RGS9: variants seen among roughly 807,000 people sequenced by gnomAD.
The protein encoded by RGS9 is regulator of G protein signaling 9, also known as regulator of G-protein signalling 9.
In RGS9, 78 loss-of-function variants were observed where a neutral mutation model predicts 102.0. The ratio of observed to expected loss-of-function variants is 0.76; its 90% CI spans 0.64 to 0.92. The LOEUF (loss-of-function observed/expected upper bound fraction) is 0.92, where lower values mean the gene tolerates loss of function less well. RGS9 is among the 40% of genes least tolerant of loss of function. The pLI, the probability that RGS9 is intolerant of heterozygous loss-of-function variation, is 0.00. For missense variants in RGS9, 833 were observed against 866.1 expected (o/e 0.96, Z 0.48); for synonymous variants, 353 against 318.6 (o/e 1.11, Z -1.15).
chr17:65,191,585 A>T (rs1307368404), intron 11 of RGS9, among the ~76,000 whole-genome samples: 1 of 151,994 alleles, frequency 6.6e-6, no homozygotes, highest in Non-Finnish European at 1.5e-5. Flanking sequence ...CGTCTCTACT[A>T]AAAATACAAA....
At chr17:65,176,323 T>G (rs1203845425) in intron 8 of RGS9, among the ~76,000 whole-genome samples, 1 of 152,252 alleles carries the variant, frequency 6.6e-6, no homozygotes, top group African/African-American at 2.4e-5. Context: ...AACCCCTTGC[T>G]CAGCAATAGC....
At chr17:65,162,945 T>A in intron 6 of RGS9, 68 bp from the exon 7 acceptor site, 2 of 857,248 alleles carry the variant, frequency 2.3e-6, no homozygotes, top group South Asian at 2.8e-5. Flanking sequence ...TGACTTAGAG[T>A]TTGTTGCCCT....
At chr17:65,225,548 T>C (rs1323133858) in intron 18 of RGS9, 62 bp downstream of exon 18, 19 of 1,597,590 alleles carry the variant, frequency 1.2e-5, no homozygotes, top group Non-Finnish European at 1.5e-5. Flanking sequence ...GGCCTCTGCA[T>C]GTGAATATGC....
intron 17 of RGS9, among the ~76,000 whole-genome samples, chr17:65,222,828 T>A (rs2144130441): frequency 6.6e-6 from 1 of 152,274 alleles, no homozygotes; most frequent in East Asian, 1.9e-4. Flanking sequence ...CGCACCCCCC[T>A]GATATTCTCC....
In RGS9 at chr17:65,204,309, G is replaced by C; in HGVS notation, c.1203+8G>C. 6.2e-7 allele frequency: 1 copy of C among 1,613,600 alleles called. No homozygotes were observed. The highest frequency in any genetic ancestry group is 8.5e-7 in the Non-Finnish European group (1 of 1,179,920). ...TACATGCTCATGAAGAAGGTAGGTG[G>C]GTCCGTGCTGTGGATACGGGGTCCA... On this transcript the variant is annotated splice_region_variant and intron_variant, in intron 15 of 18. Coordinates refer to ENST00000262406, the MANE Select transcript of RGS9 (RefSeq NM_003835.4).
rs150469047 is a variant in RGS9 at position 65,154,110 on chromosome 17, C to T, written c.154+592C>T. Among the ~76,000 whole-genome samples the T allele has an allele frequency of 9.2e-4, 140 of 152,162 alleles. 1 individual carries two copies. The East Asian group carries it at 0.019, about 20-fold the overall frequency. ...TCACCTGAGGTCGGGAGTTCGAGACCGGCCTGACCAACATGGTGAAACCCC... is the reference window on the plus strand; with the variant it reads ...TCACCTGAGGTCGGGAGTTCGAGACTGGCCTGACCAACATGGTGAAACCCC... On this transcript the variant is annotated intron_variant, in intron 2 of 18. Transcript: ENST00000262406.
chr17:65,223,752 C>CT (rs528795738), intron 17 of RGS9, among the ~76,000 whole-genome samples: 7,154 of 137,526 alleles, frequency 0.052, 317 homozygotes, highest in African/African-American at 0.11. Context: ...TCATGCCAGG[C>CT]TTTTTTTTTT....
chr17:65,210,475 T>C lies in RGS9; in HGVS notation c.1290-13T>C, dbSNP rs1232024148. ...TCATTTTCCTCCAACCACCAATCTG[T>C]CCTTCCTTCCAGCTCCACCCTCCCT... On this transcript the variant is annotated splice_polypyrimidine_tract_variant and intron_variant, in intron 16 of 18. Coordinates refer to ENST00000262406, the MANE Select transcript of RGS9 (RefSeq NM_003835.4). 6.2e-7 allele frequency: 1 copy of C among 1,612,724 alleles called. No homozygotes were observed. Among genetic ancestry groups the C allele is most frequent in the Non-Finnish European group, 8.5e-7 (1 of 1,179,888 alleles).
At chr17:65,193,972 G>T (rs755888302) in intron 12 of RGS9, among the ~76,000 whole-genome samples, 1 of 152,112 alleles carries the variant, frequency 6.6e-6, no homozygotes, top group Non-Finnish European at 1.5e-5. Context: ...AGTAGAAGAG[G>T]AACTGATTTT....
intron 2 of RGS9, 140 bp downstream of exon 2, chr17:65,153,658 G>A (rs1204470849): frequency 2.0e-5 from 14 of 696,254 alleles, no homozygotes; most frequent in South Asian, 4.4e-5. Flanking sequence ...TTGGGAGGCC[G>A]AGGCGGGTGG....
chr17:65,193,992 T>G (rs1439417740), intron 12 of RGS9, among the ~76,000 whole-genome samples: 1 of 152,062 alleles, frequency 6.6e-6, no homozygotes, highest in Admixed American at 6.5e-5. Context: ...TGTCAAATAC[T>G]TGCCAATCCC....
chr17:65,176,589 T>G (rs1911632226), intron 8 of RGS9, among the ~76,000 whole-genome samples: 1 of 152,190 alleles, frequency 6.6e-6, no homozygotes. Flanking sequence ...CCACAGAGTG[T>G]GGGGAAGGAG....
chr17:65,207,811 T>C, intron 15 of RGS9, 111 bp from the exon 16 acceptor site: 1 of 742,240 alleles, frequency 1.3e-6, no homozygotes, highest in Non-Finnish European at 2.3e-6. Flanking sequence ...AGACAAATTC[T>C]CATAACTTTT....
At chr17:65,193,464 C>CAA in intron 11 of RGS9, 79 bp from the exon 12 acceptor site, 1 of 867,584 alleles carries the variant, frequency 1.2e-6, no homozygotes, top group Non-Finnish European at 2.0e-6. Context: ...AAGAGGACAG[C>CAA]CTGGTCAGTT....
chr17:65,180,803 C>T (rs1239254785), intron 9 of RGS9, among the ~76,000 whole-genome samples: 1 of 152,168 alleles, frequency 6.6e-6, no homozygotes, highest in Non-Finnish European at 1.5e-5. Context: ...CTCCTCCCAC[C>T]CTCCACCCTC....
chr17:65,178,964 C>T (rs1011987878), intron 9 of RGS9, among the ~76,000 whole-genome samples: 1 of 152,196 alleles, frequency 6.6e-6, no homozygotes, highest in African/African-American at 2.4e-5. Context: ...GCCCATTGTA[C>T]CCTGGGAAGG....
intron 1 of RGS9, among the ~76,000 whole-genome samples, chr17:65,139,488 G>A (rs904325118): frequency 2.0e-5 from 3 of 152,002 alleles, no homozygotes; most frequent in African/African-American, 7.2e-5. Context: ...TGCCCTCTGG[G>A]AAACAACAAA....
At chr17:65,225,669 C>T (rs2144136717) in intron 18 of RGS9, 183 bp downstream of exon 18, 1 of 752,184 alleles carries the variant, frequency 1.3e-6, no homozygotes, top group Non-Finnish European at 2.2e-6. Context: ...CTCTGCTGTC[C>T]TCCCGAGGGA....
intron 17 of RGS9, among the ~76,000 whole-genome samples, chr17:65,212,846 A>C (rs1290443313): frequency 6.6e-6 from 1 of 152,160 alleles, no homozygotes; most frequent in African/African-American, 2.4e-5. Flanking sequence ...TAGAAATGTA[A>C]ACCATTGTAA....
Sources: allele counts gnomAD v4.1 joint callset (sites outside exome capture counted in the v4.1 genomes callset), GRCh38; gene constraint gnomAD v4.1.1; transcripts MANE v1.5; gene names NCBI Gene and HGNC (gene_info 2026-07-23, HGNC 2026-07-21).